The following GGA2 variants were observed in gnomAD, a reference collection of about 807,000 sequenced individuals.
GGA2 encodes golgi associated, gamma adaptin ear containing, ARF binding protein 2.
GGA2 carries 48 observed loss-of-function variants against 79.5 expected under a neutral mutation model. The ratio of observed to expected loss-of-function variants is 0.60; its 90% CI spans 0.48 to 0.77. GGA2 has a LOEUF of 0.77. Ranked by LOEUF, GGA2 falls within the 30% of genes least tolerant of loss-of-function variation. GGA2 has a pLI of 0.00. For missense variants in GGA2, 770 were observed against 774.0 expected, an observed-to-expected ratio of 0.99 and a Z score of 0.06; for synonymous variants, 317 against 302.0, an observed-to-expected ratio of 1.05 and a Z score of -0.51.
At chr16:23,472,126 A>AGGCATCCAAAGATGTTCTTTGTAGCCCT (rs1191508380) in intron 14 of GGA2, among the ~76,000 whole-genome samples, 1 of 150,442 alleles carries the variant, frequency 6.6e-6, no homozygotes, top group African/African-American at 2.4e-5. Context: ...GTATAAAGAA[A>AGGCATCCAAAGATGTTCTTTGTAGCCCT]GGCATCCAAA....
Position 23,478,824 on chromosome 16 carries a change from C to T in GGA2, c.1158+59G>A, listed in dbSNP as rs753917578. 18 of 1,215,388 alleles carry T rather than the reference C, an allele frequency of 1.5e-5. No homozygotes were observed. In the East Asian group the frequency reaches 3.9e-4, roughly 27 times the overall value. 75.3% of individuals were successfully genotyped at this position (1,215,388 alleles called of 1,614,324 possible). A position where few individuals can be genotyped will look rare whatever the true frequency, so the allele number is the denominator to read the frequency against. On this transcript the variant is annotated intron_variant, in intron 12 of 16. Coordinates refer to ENST00000309859, the MANE Select transcript of GGA2 (RefSeq NM_015044.4). ...CTGCTCGCCAGGCAGTGCTGCCTCA[C>T]AAGGGCAGGTCTGAGACCCTCCCAT...
intron 14 of GGA2, among the ~76,000 whole-genome samples, chr16:23,473,163 AG>A (rs1964535019): frequency 6.6e-6 from 1 of 152,014 alleles, no homozygotes; most frequent in South Asian, 2.1e-4. Context: ...AGGCTTATAA[AG>A]TAACAGTAAA....
intron 2 of GGA2, among the ~76,000 whole-genome samples, chr16:23,515,503 C>T (rs973971233): frequency 2.1e-5 from 3 of 140,598 alleles, no homozygotes; most frequent in Non-Finnish European, 4.5e-5. Flanking sequence ...AGGCTGAGAC[C>T]GGAGAATCGT....
chr16:23,478,347 C>A (rs1405988682), intron 13 of GGA2, 21 bp downstream of exon 13: 1 of 1,553,268 alleles, frequency 6.4e-7, no homozygotes, highest in Non-Finnish European at 8.7e-7. Context: ...CTCTCCCACT[C>A]CCCTTGCCCA....
chr16:23,478,215 G>A (rs796501597), intron 13 of GGA2, among the ~76,000 whole-genome samples, 153 bp downstream of exon 13: 3,318 of 108,580 alleles, frequency 0.031, 95 homozygotes, highest in African/African-American at 0.064. Context: ...AAAAAAAAAA[G>A]AAAAAAAGAC....
At chr16:23,476,414 T>C (rs745356564) in intron 13 of GGA2, among the ~76,000 whole-genome samples, 2 of 152,180 alleles carry the variant, frequency 1.3e-5, no homozygotes, top group Non-Finnish European at 2.9e-5. Flanking sequence ...GAAAATGTTG[T>C]TACATTCACA....
chr16:23,486,216 G>A (rs1964711062), intron 7 of GGA2, 64 bp from the exon 8 acceptor site: 16 of 1,474,838 alleles, frequency 1.1e-5, no homozygotes, highest in Non-Finnish European at 1.3e-5. Flanking sequence ...CCTGAACAAG[G>A]GATGGGAAAG....
rs1001005185 is a variant in GGA2, at chr16:23,499,867, G to C, written c.92-4089C>G. On this transcript the variant is annotated intron_variant, in intron 1 of 16. Transcript: ENST00000309859. ...CAGCCAGCAATGAATGAAAGGTAGGGGTGGGGCCGCTGGCAGGGCGGGGCC... is the reference window on the plus strand; with the variant it reads ...CAGCCAGCAATGAATGAAAGGTAGGCGTGGGGCCGCTGGCAGGGCGGGGCC... 4.4e-4 allele frequency among the ~76,000 whole-genome samples: 67 copies of C among 152,208 alleles called. 1 individual carries two copies. Among genetic ancestry groups the C allele is most frequent in the African/African-American group, 1.4e-3 (60 of 41,458 alleles).
chr16:23,481,184 T>C (rs553686640), intron 9 of GGA2, among the ~76,000 whole-genome samples: 1 of 151,682 alleles, frequency 6.6e-6, no homozygotes, highest in Non-Finnish European at 1.5e-5. Flanking sequence ...TTCGAGACTA[T>C]CCTGGTCAAA....
In GGA2 at chr16:23,491,698, A is replaced by G; in HGVS notation, c.454T>C (p.Tyr152His). The part of the protein sequence containing the change: ...FPEDIKIRDA[Y>H]QMLKKQGIIK... ...AGACCTTGTTTCTTCAGCATCTGAT[A>G]AGCGTCTCGAATCTTGATGTCTTCC... is the stretch of plus-strand genomic sequence containing the variant. The change falls in exon 5 of 17, where the codon TAT becomes CAT. Residue 152 changes from tyrosine to histidine, a missense_variant. Coordinates refer to ENST00000309859, the MANE Select transcript of GGA2 (RefSeq NM_015044.4). 6.2e-7 allele frequency: 1 copy of G among 1,612,908 alleles called. No homozygotes were observed. The highest frequency in any genetic ancestry group is 8.5e-7 in the Non-Finnish European group (1 of 1,178,924).
At chr16:23,514,019 G>A (rs1425559392), upstream of GGA2, among the ~76,000 whole-genome samples, 1 of 151,976 alleles carries the variant, frequency 6.6e-6, no homozygotes, top group African/African-American at 2.4e-5. Flanking sequence ...ATTTCTACCT[G>A]GCTGTTGGTC....
intron 8 of GGA2, among the ~76,000 whole-genome samples, chr16:23,484,528 A>G (rs1315866983): frequency 1.3e-5 from 2 of 152,212 alleles, no homozygotes; most frequent in Admixed American, 1.3e-4. Context: ...TATCCAGAAT[A>G]TATAAAAAAC....
At chr16:23,469,346 G>T (rs895821575) in intron 15 of GGA2, 1 of 229,430 alleles carries the variant, frequency 4.4e-6, no homozygotes. Flanking sequence ...TGAGCCTTGG[G>T]TTAACTTATA....
At chr16:23,487,849 A>G (rs1446213833) in intron 6 of GGA2, among the ~76,000 whole-genome samples, 2 of 152,080 alleles carry the variant, frequency 1.3e-5, no homozygotes, top group Non-Finnish European at 2.9e-5. Context: ...TGCAGTTGAC[A>G]GGCAGAGCAT....
intron 1 of GGA2, among the ~76,000 whole-genome samples, chr16:23,520,153 T>C (rs1003581562): frequency 6.8e-6 from 1 of 147,532 alleles, no homozygotes; most frequent in Non-Finnish European, 1.5e-5. Context: ...CTTGGGAGGC[T>C]GAGGCAGGAA....
chr16:23,467,724 G>A, intron 16 of GGA2, 24 bp from the exon 17 acceptor site: 1 of 1,208,966 alleles, frequency 8.3e-7, no homozygotes. Flanking sequence ...GACAGAAGAT[G>A]TCAAATCAGT....
At chr16:23,468,577 AAT>A in intron 16 of GGA2, among the ~76,000 whole-genome samples, 1 of 151,834 alleles carries the variant, frequency 6.6e-6, no homozygotes, top group Non-Finnish European at 1.5e-5. Flanking sequence ...GGGTTCAAGC[AAT>A]TCTCCTGCCT....
chr16:23,465,448 G>A lies in GGA2; in HGVS notation c.*2142C>T, dbSNP rs978032052. 4.3e-6 allele frequency: 3 copies of A among 702,320 alleles called. No individual in the cohort carries two copies. Among genetic ancestry groups the A allele is most frequent in the Non-Finnish European group, 7.8e-6 (3 of 384,594 alleles). The allele number at this position is 702,320 out of a possible 1,614,324, so 43.5% of individuals were successfully genotyped here. A position where few individuals can be genotyped will look rare whatever the true frequency, so the allele number is the denominator to read the frequency against. ...TCCTGTCCAACACCTAAGCATAGTA[G>A]TACCACTGGGAGTCTGTCTCCTCAA... On this transcript the variant is annotated 3_prime_UTR_variant, in exon 17 of 17. Coordinates refer to ENST00000309859, the MANE Select transcript of GGA2 (RefSeq NM_015044.4).
In GGA2 at chr16:23,503,425, A is replaced by C. The variant is rs190792295; in HGVS notation, c.91+6896T>G. Among the ~76,000 whole-genome samples the C allele has an allele frequency of 8.4e-3, 1,273 of 152,268 alleles. 10 individuals carry two copies. Among genetic ancestry groups the C allele is most frequent in the Non-Finnish European group, 0.015 (1,029 of 68,006 alleles). On this transcript the variant is annotated intron_variant, in intron 1 of 16. Coordinates refer to ENST00000309859, the MANE Select transcript of GGA2 (RefSeq NM_015044.4). Reference sequence around the variant, plus strand: ...TTGTAATAATGATATTTTCTTTTTTATCTTTACTTGTAAGATATAGTTACT... The same window carrying C: ...TTGTAATAATGATATTTTCTTTTTTCTCTTTACTTGTAAGATATAGTTACT...
Sources: allele counts gnomAD v4.1 joint callset (sites outside exome capture counted in the v4.1 genomes callset), GRCh38; gene constraint gnomAD v4.1.1; transcripts MANE v1.5; gene names NCBI Gene and HGNC (gene_info 2026-07-23, HGNC 2026-07-21).